Variants in ATP8A2 observed in about 807,000 individuals in gnomAD.
ATP8A2 encodes phospholipid-transporting ATPase IB.
Under a neutral mutation model 165.6 loss-of-function variants are expected in ATP8A2, and 100 were observed. The ratio of observed to expected loss-of-function variants is 0.60; its 90% CI spans 0.51 to 0.71. ATP8A2 has a LOEUF of 0.71. ATP8A2 is among the 30% of genes least tolerant of loss of function. The pLI is 0.00. For synonymous variants in ATP8A2, 543 were observed against 548.8 expected (o/e 0.99, Z 0.15); for missense variants, 1,227 against 1,479.5 (o/e 0.83, Z 2.80).
chr13:25,775,758 T>C (rs1221384496), intron 27 of ATP8A2, among the ~76,000 whole-genome samples: 3 of 152,196 alleles, frequency 2.0e-5, no homozygotes, highest in Non-Finnish European at 4.4e-5. Flanking sequence ...TTATGGTGTT[T>C]TAATGCTTCA....
intron 16 of ATP8A2, among the ~76,000 whole-genome samples, chr13:25,566,579 A>G (rs755362478): frequency 6.6e-6 from 1 of 152,186 alleles, no homozygotes; most frequent in Non-Finnish European, 1.5e-5. Context: ...CTCTTGGTCC[A>G]GTTTCACGAG....
chr13:25,828,954 C>T (rs545878586), intron 28 of ATP8A2, among the ~76,000 whole-genome samples: 7 of 152,080 alleles, frequency 4.6e-5, no homozygotes, highest in East Asian at 1.9e-4. Flanking sequence ...AACTCTGCTC[C>T]GTGGGAATTT....
In ATP8A2 at chr13:25,372,119, C is replaced by T; in HGVS notation, c.-94C>T. 1.1e-6 allele frequency: 1 copy of T among 874,798 alleles called. No homozygotes were observed. Among genetic ancestry groups the T allele is most frequent in the Non-Finnish European group, 1.5e-6 (1 of 663,404 alleles). The allele number at this position is 874,798 out of a possible 1,614,324, so 54.2% of individuals were successfully genotyped here. ...GCTAGCAGCCCGGCGAGGCGCTGGC[C>T]CACCCATGGTCCTCGGGCGGCGGCC... On this transcript the variant is annotated 5_prime_UTR_variant, in exon 1 of 37. Coordinates refer to ENST00000381655, the MANE Select transcript of ATP8A2 (RefSeq NM_016529.6). This position sits in a 1 kb window ranked among gnomAD's most constrained non-coding sequence, Gnocchi z 4.8.
chr13:25,821,956 G>A (rs1951192750), intron 27 of ATP8A2, among the ~76,000 whole-genome samples: 2 of 152,094 alleles, frequency 1.3e-5, no homozygotes, highest in African/African-American at 4.8e-5. Context: ...TTCCCCCAGA[G>A]AACACTTCTA....
At chr13:25,773,607 G>T (rs1481628147) in intron 26 of ATP8A2, among the ~76,000 whole-genome samples, 1 of 152,190 alleles carries the variant, frequency 6.6e-6, no homozygotes, top group African/African-American at 2.4e-5. Context: ...GCCCCTGACT[G>T]CATAGCACTC....
chr13:25,795,568 G>A (rs547745188), intron 27 of ATP8A2, among the ~76,000 whole-genome samples: 1 of 152,316 alleles, frequency 6.6e-6, no homozygotes, highest in South Asian at 2.1e-4. Context: ...AAGGAGAAGA[G>A]TTGCTATTTC....
chr13:25,517,451 G>A (rs2037517087), intron 2 of ATP8A2, among the ~76,000 whole-genome samples: 1 of 152,166 alleles, frequency 6.6e-6, no homozygotes, highest in Non-Finnish European at 1.5e-5. Context: ...AGTGTTTCAT[G>A]TCCATAGTTA....
At chr13:25,872,357 G>C (rs961367130) in intron 33 of ATP8A2, among the ~76,000 whole-genome samples, 1 of 152,108 alleles carries the variant, frequency 6.6e-6, no homozygotes, top group East Asian at 1.9e-4. Context: ...GATGAATTGA[G>C]CACAGAGGAA....
chr13:25,649,467 T>C (rs990060242), intron 24 of ATP8A2, among the ~76,000 whole-genome samples: 3 of 152,174 alleles, frequency 2.0e-5, no homozygotes, highest in Non-Finnish European at 1.5e-5. Flanking sequence ...CAAGACCAGA[T>C]GCTATGCACA....
intron 25 of ATP8A2, among the ~76,000 whole-genome samples, chr13:25,721,221 A>C (rs141022594): frequency 6.6e-6 from 1 of 151,282 alleles, no homozygotes; most frequent in South Asian, 2.1e-4. Context: ...TTTTTTTTCA[A>C]TAACAGTTTT....
At chr13:25,474,770 TA>T (rs2137547757) in intron 2 of ATP8A2, among the ~76,000 whole-genome samples, 1 of 152,072 alleles carries the variant, frequency 6.6e-6, no homozygotes, top group African/African-American at 2.4e-5. Flanking sequence ...ACTCATGTCA[TA>T]GGGGTTTGTT....
chr13:25,942,295 T>C (rs1465399982), intron 33 of ATP8A2, among the ~76,000 whole-genome samples: 1 of 152,244 alleles, frequency 6.6e-6, no homozygotes, highest in Non-Finnish European at 1.5e-5. Context: ...CATGAATGAA[T>C]TTCCCAAGAG....
At chr13:25,930,871 C>G (rs1454320598) in intron 33 of ATP8A2, among the ~76,000 whole-genome samples, 2 of 152,228 alleles carry the variant, frequency 1.3e-5, no homozygotes, top group Non-Finnish European at 1.5e-5. Flanking sequence ...CCACATCCCC[C>G]ACATGGGAGG....
At chr13:25,475,555 A>G (rs546800703) in intron 2 of ATP8A2, among the ~76,000 whole-genome samples, 7 of 152,292 alleles carry the variant, frequency 4.6e-5, no homozygotes, top group Non-Finnish European at 8.8e-5. Context: ...TGCTGAGTTG[A>G]GTGGTAGTTC....
At chr13:25,763,931 CAT>C (rs745507065) in intron 25 of ATP8A2, among the ~76,000 whole-genome samples, 25 of 152,242 alleles carry the variant, frequency 1.6e-4, no homozygotes, top group African/African-American at 2.4e-4. Context: ...TCAAATATCA[CAT>C]GTTTGTATAT....
At chr13:25,731,288 G>GAA (rs1436949872) in intron 25 of ATP8A2, among the ~76,000 whole-genome samples, 1 of 148,216 alleles carries the variant, frequency 6.7e-6, no homozygotes, top group Non-Finnish European at 1.5e-5. Flanking sequence ...AAGAAAGAAA[G>GAA]AGAGAGAGAA....
intron 2 of ATP8A2, among the ~76,000 whole-genome samples, chr13:25,497,713 T>A (rs933718054): frequency 6.6e-6 from 1 of 151,984 alleles, no homozygotes; most frequent in Non-Finnish European, 1.5e-5. Context: ...AGCCAGCACT[T>A]TGGGAGGCCG....
chr13:25,428,464 G>C (rs1359370541), intron 1 of ATP8A2, among the ~76,000 whole-genome samples: 1 of 152,120 alleles, frequency 6.6e-6, no homozygotes, highest in African/African-American at 2.4e-5. Flanking sequence ...GTCTATTGTG[G>C]GAAACAGACT....
At chr13:25,807,592 A>C (rs1382401428) in intron 27 of ATP8A2, among the ~76,000 whole-genome samples, 1 of 152,236 alleles carries the variant, frequency 6.6e-6, no homozygotes, top group Non-Finnish European at 1.5e-5. Context: ...GAGCACATTA[A>C]TCCAGTGTGA....
Sources: gnomAD v4.1 joint callset for allele counts (sites outside exome capture counted in the v4.1 genomes callset) on GRCh38, gnomAD v4.1.1 for gene constraint, Gnocchi (gnomAD v3.1) non-coding constraint, MANE v1.5 for transcripts, NCBI Gene and HGNC (gene_info 2026-07-23, HGNC 2026-07-21) for gene names.